CDKAL1: variants seen among roughly 807,000 people sequenced by gnomAD.
CDKAL1 encodes the protein threonylcarbamoyladenosine tRNA methylthiotransferase.
A neutral mutation model predicts 68.2 loss-of-function variants in CDKAL1; 32 were observed. The observed-to-expected ratio is 0.47, with a 90% confidence interval of 0.35 to 0.63. The LOEUF is 0.63. Ranked by LOEUF, CDKAL1 falls within the 30% of genes least tolerant of loss-of-function variation. The pLI is 0.00. For synonymous variants in CDKAL1, 234 were observed against 244.3 expected, an observed-to-expected ratio of 0.96 and a Z score of 0.39; for missense variants, 606 against 696.7, an observed-to-expected ratio of 0.87 and a Z score of 1.47.
At chr6:20,718,706 T>C (rs1212738956) in intron 5 of CDKAL1, among the ~76,000 whole-genome samples, 3 of 152,228 alleles carry the variant, frequency 2.0e-5, no homozygotes, top group Admixed American at 6.5e-5. Context: ...GTTCTTATGT[T>C]TTTCTTTGCT....
At chr6:20,627,414 T>C (rs1371855752) in intron 4 of CDKAL1, among the ~76,000 whole-genome samples, 1 of 152,174 alleles carries the variant, frequency 6.6e-6, no homozygotes, top group Non-Finnish European at 1.5e-5. Flanking sequence ...TGAGTGAAAT[T>C]CCTTAAACAA....
chr6:20,913,705 TG>T (rs1297066998), intron 9 of CDKAL1, among the ~76,000 whole-genome samples: 4 of 152,322 alleles, frequency 2.6e-5, no homozygotes, highest in African/African-American at 9.6e-5. Flanking sequence ...GAGTTTGTGT[TG>T]GTGATGGCTT....
At chr6:20,551,529 G>A (rs1317576930) in intron 4 of CDKAL1, among the ~76,000 whole-genome samples, 1 of 151,416 alleles carries the variant, frequency 6.6e-6, no homozygotes, top group Non-Finnish European at 1.5e-5. Context: ...CACCATGCCT[G>A]GCTAATTTTT....
chr6:20,687,789 G>A (rs1331704854), intron 5 of CDKAL1, among the ~76,000 whole-genome samples: 2 of 152,098 alleles, frequency 1.3e-5, no homozygotes, highest in Non-Finnish European at 2.9e-5. Context: ...GCCTACCATA[G>A]TGCTAGGATT....
intron 9 of CDKAL1, among the ~76,000 whole-genome samples, chr6:20,880,736 A>G (rs1760770896): frequency 6.6e-6 from 1 of 152,138 alleles, no homozygotes; most frequent in Non-Finnish European, 1.5e-5. Context: ...TTGACAGTTG[A>G]TTATCTAAAA....
At chr6:20,717,874 T>C (rs945295487) in intron 5 of CDKAL1, among the ~76,000 whole-genome samples, 1 of 152,140 alleles carries the variant, frequency 6.6e-6, no homozygotes, top group Non-Finnish European at 1.5e-5. Flanking sequence ...CTCTAATTTT[T>C]CATCAGGCAC....
chr6:20,842,514 A>G (rs968229630), intron 8 of CDKAL1, among the ~76,000 whole-genome samples: 8 of 152,342 alleles, frequency 5.3e-5, no homozygotes, highest in Middle Eastern at 3.4e-3. Flanking sequence ...CCCGTCTTAT[A>G]CAATAAAGAG....
At chr6:20,667,122 T>C (rs1769585222) in intron 5 of CDKAL1, among the ~76,000 whole-genome samples, 1 of 152,234 alleles carries the variant, frequency 6.6e-6, no homozygotes, top group African/African-American at 2.4e-5. Context: ...TTGTCCTGAA[T>C]GGCAGGCTTA....
At chr6:20,561,102 C>T (rs1461283836) in intron 4 of CDKAL1, among the ~76,000 whole-genome samples, 1 of 152,056 alleles carries the variant, frequency 6.6e-6, no homozygotes, top group African/African-American at 2.4e-5. Flanking sequence ...CTGTCTTTCT[C>T]ATCTTTACCT....
intron 8 of CDKAL1, among the ~76,000 whole-genome samples, chr6:20,825,950 A>G (rs1344578561): frequency 2.0e-5 from 3 of 152,110 alleles, no homozygotes; most frequent in African/African-American, 7.2e-5. Flanking sequence ...TTACTTTATT[A>G]CATTACATAT....
chr6:21,192,054 G>A (rs1220684298), intron 13 of CDKAL1, among the ~76,000 whole-genome samples: 11 of 99,012 alleles, frequency 1.1e-4, no homozygotes, highest in Admixed American at 1.7e-4. Context: ...TCGCTCTGTC[G>A]CCCAGGCCGG....
chr6:20,617,173 G>A (rs1226980743), intron 4 of CDKAL1, among the ~76,000 whole-genome samples: 1 of 152,134 alleles, frequency 6.6e-6, no homozygotes, highest in Non-Finnish European at 1.5e-5. Context: ...ATTGCTTAGA[G>A]TTGTGTCCTC....
chr6:20,940,946 C>G (rs1210944020), intron 9 of CDKAL1, among the ~76,000 whole-genome samples: 1 of 151,990 alleles, frequency 6.6e-6, no homozygotes, highest in African/African-American at 2.4e-5. Flanking sequence ...AAAAATTAGC[C>G]AGGCGTGGTG....
At chr6:20,876,962 C>A (rs1315524286) in intron 9 of CDKAL1, among the ~76,000 whole-genome samples, 1 of 152,174 alleles carries the variant, frequency 6.6e-6, no homozygotes, top group African/African-American at 2.4e-5. Context: ...CTAGAACCAG[C>A]TAAAAAGTCA....
At chr6:20,558,115 T>C (rs182015065) in intron 4 of CDKAL1, among the ~76,000 whole-genome samples, 1 of 152,226 alleles carries the variant, frequency 6.6e-6, no homozygotes, top group African/African-American at 2.4e-5. Flanking sequence ...GTTGAGAGAA[T>C]TTTATTCAAA....
intron 9 of CDKAL1, among the ~76,000 whole-genome samples, chr6:20,936,211 TA>T (rs1286335596): frequency 2.0e-5 from 3 of 151,084 alleles, no homozygotes; most frequent in Non-Finnish European, 3.0e-5. Flanking sequence ...TACATTTTTT[TA>T]AAAAAATTCT....
intron 15 of CDKAL1, among the ~76,000 whole-genome samples, chr6:21,223,859 A>C (rs1779625768): frequency 1.3e-5 from 2 of 152,188 alleles, no homozygotes; most frequent in South Asian, 4.1e-4. Context: ...CAAGTCTGTT[A>C]GCTCAGCAGA....
intron 15 of CDKAL1, among the ~76,000 whole-genome samples, chr6:21,215,350 C>T (rs1324055263): frequency 3.3e-5 from 5 of 152,174 alleles, no homozygotes; most frequent in Admixed American, 6.5e-5. Flanking sequence ...CCAAGTAAAT[C>T]ACATGGCCAA....
chr6:21,109,013 C>A (rs1010853651), intron 13 of CDKAL1, among the ~76,000 whole-genome samples: 4 of 152,200 alleles, frequency 2.6e-5, no homozygotes, highest in African/African-American at 9.6e-5. Flanking sequence ...CCGTCTGTGT[C>A]ATTTATACCC....
Sources: allele counts gnomAD v4.1 joint callset (sites outside exome capture counted in the v4.1 genomes callset), GRCh38; gene constraint gnomAD v4.1.1; transcripts MANE v1.5; gene names NCBI Gene and HGNC (gene_info 2026-07-23, HGNC 2026-07-21).